Variants in DCT observed in about 807,000 individuals in gnomAD.
The protein encoded by DCT is L-dopachrome tautomerase.
DCT carries 47 observed loss-of-function variants against 53.0 expected under a neutral mutation model. That is an observed-to-expected ratio of 0.89 (90% CI 0.70 to 1.13). DCT has a LOEUF of 1.13. DCT is among the 50% of genes most tolerant of loss of function. The pLI, the probability that DCT is intolerant of heterozygous loss-of-function variation, is 0.00. For synonymous variants in DCT, 244 were observed against 237.0 expected (o/e 1.03, Z -0.27); for missense variants, 669 against 637.4 (o/e 1.05, Z -0.53).
rs774687446 is a variant in DCT at position 94,479,059 on chromosome 13, G to C, written c.197C>G (p.Ala66Gly). The C allele has an allele frequency of 3.7e-6, 6 of 1,614,206 alleles. No homozygotes were observed. In the East Asian group the frequency reaches 1.3e-4, roughly 36 times the overall value. Residue 66 changes from alanine (A) to glycine (G), a missense_variant, in exon 1 of 8, where the codon GCC becomes GGC. By Grantham distance (60) the Ala-to-Gly change is moderately conservative. Transcript: ENST00000377028. ...GGGACCACTCCAGGGCCTTGTGTCG[G>C]CTCGCACCTCTGTGCACTGCCCCCG... ...QGRGQCTEVR[A>G]DTRPWSGPYI...
the DCT span, among the ~76,000 whole-genome samples, chr13:94,530,932 T>C: frequency 1.3e-5 from 2 of 152,202 alleles, no homozygotes; most frequent in African/African-American, 4.8e-5. Flanking sequence ...GATAAGCAAC[T>C]TCAGCAAAGT....
the DCT span, among the ~76,000 whole-genome samples, chr13:94,547,858 C>A: frequency 1.4e-5 from 2 of 147,398 alleles, no homozygotes; most frequent in Non-Finnish European, 3.0e-5. Flanking sequence ...GGCATGGTGG[C>A]GGGTGCCTGT....
At chr13:94,482,200 C>T (rs757577716), upstream of DCT, among the ~76,000 whole-genome samples, 16 of 152,196 alleles carry the variant, frequency 1.1e-4, no homozygotes, top group Non-Finnish European at 1.9e-4. Context: ...AGTTGGATCA[C>T]GTGTTAGTCT....
At chr13:94,473,042 T>G (rs924481031) in intron 1 of DCT, among the ~76,000 whole-genome samples, 1 of 152,166 alleles carries the variant, frequency 6.6e-6, no homozygotes, top group Non-Finnish European at 1.5e-5. Context: ...AAGGGCCTAG[T>G]TGATGCTAAA....
intron 6 of DCT, among the ~76,000 whole-genome samples, chr13:94,452,156 C>A (rs1202292193): frequency 6.6e-6 from 1 of 152,094 alleles, no homozygotes; most frequent in Non-Finnish European, 1.5e-5. Context: ...CCTCAGCCTC[C>A]CAAGCAGCTG....
chr13:94,507,270 G>A, the DCT span, among the ~76,000 whole-genome samples: 1 of 152,114 alleles, frequency 6.6e-6, no homozygotes, highest in Admixed American at 6.5e-5. Context: ...AAAAGCTGGG[G>A]GTAAAAAGTA....
At chr13:94,465,543 G>C in intron 4 of DCT, 90 bp downstream of exon 4, 1 of 1,204,820 alleles carries the variant, frequency 8.3e-7, no homozygotes, top group Non-Finnish European at 1.1e-6. Flanking sequence ...ACATGCATAA[G>C]AAACAGCACT....
upstream of DCT, among the ~76,000 whole-genome samples, chr13:94,480,235 C>T (rs1190610845): frequency 1.3e-5 from 2 of 152,108 alleles, no homozygotes; most frequent in African/African-American, 2.4e-5. Flanking sequence ...TCACAATTGT[C>T]ATTATCTGAT....
the DCT span, among the ~76,000 whole-genome samples, chr13:94,514,760 G>A: frequency 2.0e-5 from 3 of 152,226 alleles, no homozygotes; most frequent in African/African-American, 7.2e-5. Flanking sequence ...AGCCTCGCAT[G>A]GCAGGCAAAG....
At chr13:94,527,925 A>C in the DCT span, among the ~76,000 whole-genome samples, 11 of 152,360 alleles carry the variant, frequency 7.2e-5, no homozygotes, top group East Asian at 1.9e-4. Context: ...TAGAATAAAC[A>C]GTGTAGAGAA....
At chr13:94,484,981 C>A in the DCT span, among the ~76,000 whole-genome samples, 3 of 152,230 alleles carry the variant, frequency 2.0e-5, no homozygotes, top group African/African-American at 7.2e-5. Context: ...CTCATTCCTG[C>A]CTTTGTCCTA....
In DCT at chr13:94,479,116, T is replaced by C; in HGVS notation, c.140A>G (p.Glu47Gly). 1 of 1,614,206 alleles carries C rather than the reference T, an allele frequency of 6.2e-7. No homozygotes were observed. Among genetic ancestry groups the C allele is most frequent in the Non-Finnish European group, 8.5e-7 (1 of 1,180,024 alleles). The change falls in exon 1 of 8, where the codon GAG becomes GGG. Residue 47 changes from glutamate (E) to glycine (G), a missense_variant. Transcript: ENST00000377028. ...NKECCPRLGA[E>G]SANVCGSQQG... ...CTGAGAGCCACAGACATTGGCCGAC[T>C]CTGCACCCAGGCGTGGGCAGCACTC...
chr13:94,457,023 G>A (rs544874191), intron 6 of DCT, among the ~76,000 whole-genome samples: 3 of 152,188 alleles, frequency 2.0e-5, no homozygotes, highest in African/African-American at 4.8e-5. Context: ...CCAGCTACTC[G>A]GGAGGCTGAG....
At chr13:94,472,945 A>T (rs1027091402) in intron 1 of DCT, among the ~76,000 whole-genome samples, 3 of 152,084 alleles carry the variant, frequency 2.0e-5, no homozygotes, top group African/African-American at 7.2e-5. Context: ...ATAGTATAGC[A>T]ATTGTTTGTC....
chr13:94,454,981 G>A (rs575207872), intron 6 of DCT, among the ~76,000 whole-genome samples: 4 of 152,148 alleles, frequency 2.6e-5, no homozygotes, highest in African/African-American at 7.2e-5. Context: ...TAGAAACAAC[G>A]AACACAAAGA....
Position 94,463,057 on chromosome 13 carries a change from G to A in DCT, c.864-868C>T, listed in dbSNP as rs74103934. On this transcript the variant is annotated intron_variant, in intron 4 of 7. Transcript: ENST00000377028. ...CATGGGCTGAGAAGGTCCCATGTCC[G>A]TAAGACATTATATCCTACACGCCTG... is the stretch of plus-strand genomic sequence containing the variant. Among the ~76,000 whole-genome samples, 1,257 of 152,298 alleles carry A rather than the reference G, an allele frequency of 8.3e-3. 12 individuals are homozygous for A. The highest frequency in any genetic ancestry group is 0.028 in the African/African-American group (1,176 of 41,564).
intron 4 of DCT, among the ~76,000 whole-genome samples, chr13:94,464,585 A>T (rs1208299758): frequency 6.6e-6 from 1 of 152,118 alleles, no homozygotes; most frequent in Admixed American, 6.5e-5. Flanking sequence ...GGTTGCAGTG[A>T]GCCGAGATCA....
the DCT span, among the ~76,000 whole-genome samples, chr13:94,521,410 C>T: frequency 5.9e-5 from 9 of 152,240 alleles, no homozygotes; most frequent in Non-Finnish European, 4.4e-5. Context: ...GTGGCTCACG[C>T]CTGTAATCCC....
chr13:94,455,891 T>C lies in DCT; in HGVS notation c.1179+4200A>G, dbSNP rs78374446. Among the ~76,000 whole-genome samples, 818 of 152,348 alleles carry C rather than the reference T, an allele frequency of 5.4e-3. 4 individuals are homozygous for C. The highest frequency in any genetic ancestry group is 0.014 in the Middle Eastern group (4 of 294). ...AGGAGTATTATGACATTTTTCCTTA[T>C]GAATATGAATTGTGTGTATAAATTG... On this transcript the variant is annotated intron_variant, in intron 6 of 7. Coordinates refer to ENST00000377028, the MANE Select transcript of DCT (RefSeq NM_001922.5).
Sources: gnomAD v4.1 joint callset for allele counts (sites outside exome capture counted in the v4.1 genomes callset) on GRCh38, gnomAD v4.1.1 for gene constraint, MANE v1.5 for transcripts, NCBI Gene and HGNC (gene_info 2026-07-23, HGNC 2026-07-21) for gene names.